LMBR1: variants seen among roughly 807,000 people sequenced by gnomAD.
LMBR1 encodes limb development membrane protein 1, also known as limb region 1 protein homolog.
Under a neutral mutation model 73.9 loss-of-function variants are expected in LMBR1, and 52 were observed. The observed-to-expected ratio is 0.70, with a 90% CI of 0.56 to 0.89. The LOEUF (loss-of-function observed/expected upper bound fraction) is 0.89, where lower values mean the gene tolerates loss of function less well. Ranked by LOEUF, LMBR1 falls within the 40% of genes least tolerant of loss-of-function variation. LMBR1 has a pLI of 0.00. For missense variants in LMBR1, 539 were observed against 579.8 expected, an observed-to-expected ratio of 0.93 and a Z score of 0.72; for synonymous variants, 215 against 209.4, an observed-to-expected ratio of 1.03 and a Z score of -0.23.
At chr7:156,844,572 A>C (rs1442959409) in intron 1 of LMBR1, among the ~76,000 whole-genome samples, 1 of 152,034 alleles carries the variant, frequency 6.6e-6, no homozygotes, top group Non-Finnish European at 1.5e-5. Context: ...AAAAGAAAAA[A>C]ACAGTCCAGC....
chr7:156,745,587 G>C (rs1051264638), intron 9 of LMBR1, among the ~76,000 whole-genome samples: 2 of 152,344 alleles, frequency 1.3e-5, no homozygotes, highest in South Asian at 2.1e-4. Flanking sequence ...ACTGAAAGGA[G>C]GATTCAGAAC....
At chr7:156,758,911 A>G (rs1280221868) in intron 8 of LMBR1, among the ~76,000 whole-genome samples, 1 of 152,176 alleles carries the variant, frequency 6.6e-6, no homozygotes, top group Non-Finnish European at 1.5e-5. Context: ...CCTACGAAAA[A>G]CAGACTGTTC....
chr7:156,715,540 T>C (rs761418237), intron 15 of LMBR1, among the ~76,000 whole-genome samples: 22 of 152,344 alleles, frequency 1.4e-4, no homozygotes, highest in Middle Eastern at 3.4e-3. Context: ...AGTGTACAGT[T>C]CAGTGATAGG....
chr7:156,742,925 T>C (rs1301704028), intron 9 of LMBR1, among the ~76,000 whole-genome samples: 1 of 152,144 alleles, frequency 6.6e-6, no homozygotes, highest in Admixed American at 6.5e-5. Flanking sequence ...TTATCCGAGA[T>C]GCAAGGGTGG....
intron 15 of LMBR1, among the ~76,000 whole-genome samples, chr7:156,691,594 A>C (rs1391807452): frequency 6.6e-6 from 1 of 152,194 alleles, no homozygotes; most frequent in East Asian, 1.9e-4. Context: ...AGTAGTTAAG[A>C]GAGAGTTTAT....
intron 5 of LMBR1, among the ~76,000 whole-genome samples, chr7:156,779,304 T>C (rs1266724640): frequency 1.3e-5 from 2 of 152,176 alleles, no homozygotes; most frequent in South Asian, 2.1e-4. Flanking sequence ...CTGATTAAAA[T>C]TGCAGTATAA....
At chr7:156,849,465 T>C (rs1355923533) in intron 1 of LMBR1, among the ~76,000 whole-genome samples, 1 of 152,120 alleles carries the variant, frequency 6.6e-6, no homozygotes, top group African/African-American at 2.4e-5. Context: ...GTAACAAACC[T>C]GTACATGTGC....
At position 156,763,747 on chromosome 7, in the gene LMBR1, C is replaced by G. The variant is rs1418410790; in HGVS notation, c.472G>C (p.Ala158Pro). The G allele has an allele frequency of 1.9e-6, 3 of 1,605,264 alleles. No individual in the cohort carries two copies. The highest frequency in any genetic ancestry group is 1.7e-6 in the Non-Finnish European group (2 of 1,177,916). ...LETLVMLLLL[A>P]LLILGIVWVA... Reference sequence around the variant, plus strand: ...CACACTATCCCAAGAATGAGTAACGCAAGAAGAAGAAGCATGACCAAAGTC... The same window carrying G: ...CACACTATCCCAAGAATGAGTAACGGAAGAAGAAGAAGCATGACCAAAGTC... Residue 158 changes from alanine to proline, a missense_variant, in exon 6 of 17, where the codon GCG becomes CCG. Physicochemically the swap from Ala to Pro is conservative, Grantham distance 27 (BLOSUM62 -1). Coordinates refer to ENST00000353442, the MANE Select transcript of LMBR1 (RefSeq NM_022458.4).
chr7:156,873,419 T>C (rs543218959), intron 1 of LMBR1, among the ~76,000 whole-genome samples: 26 of 152,192 alleles, frequency 1.7e-4, no homozygotes, highest in African/African-American at 6.0e-4. Context: ...GCAAGATTTA[T>C]TGCAAAGAGC....
At chr7:156,841,051 G>A (rs1472400901) in intron 1 of LMBR1, among the ~76,000 whole-genome samples, 2 of 151,812 alleles carry the variant, frequency 1.3e-5, no homozygotes, top group East Asian at 1.9e-4. Flanking sequence ...AAGAACTGCA[G>A]GAAGCCGAGA....
intron 5 of LMBR1, among the ~76,000 whole-genome samples, chr7:156,770,302 C>T (rs1391502416): frequency 6.6e-6 from 1 of 152,016 alleles, no homozygotes; most frequent in East Asian, 1.9e-4. Flanking sequence ...TACAAGTGCG[C>T]ACCACCCTGC....
chr7:156,813,417 A>C (rs1433235753), intron 4 of LMBR1, among the ~76,000 whole-genome samples: 1 of 152,230 alleles, frequency 6.6e-6, no homozygotes, highest in Non-Finnish European at 1.5e-5. Context: ...ACTTATTGAT[A>C]TCCTTGCCCC....
intron 15 of LMBR1, among the ~76,000 whole-genome samples, chr7:156,702,346 G>C: frequency 6.6e-6 from 1 of 152,198 alleles, no homozygotes; most frequent in East Asian, 1.9e-4. Context: ...ATCTCATTGT[G>C]GTTCTGATTT....
intron 1 of LMBR1, among the ~76,000 whole-genome samples, chr7:156,880,153 A>G (rs1056672444): frequency 6.6e-6 from 1 of 152,250 alleles, no homozygotes; most frequent in African/African-American, 2.4e-5. Flanking sequence ...GTAACTATGG[A>G]ATACTACCCA....
rs527656588 is a variant in LMBR1, at chr7:156,683,343, A to G, written c.*735T>C. 144 of 152,726 alleles carry G rather than the reference A, an allele frequency of 9.4e-4. 1 individual carries two copies. The highest frequency in any genetic ancestry group is 3.5e-3 in the African/African-American group (144 of 41,572). 9.5% of individuals were successfully genotyped at this position (152,726 alleles called of 1,614,324 possible). ...GTTATCAGAGGGAATACTGAATTAT[A>G]TATATACATAAACTGTCATTAAACT... On this transcript the variant is annotated 3_prime_UTR_variant, in exon 17 of 17. Transcript: ENST00000353442.
rs1332960708 is a variant in LMBR1 at position 156,682,875 on chromosome 7, C to A, written c.*1203G>T. On this transcript the variant is annotated 3_prime_UTR_variant, in exon 17 of 17. Transcript: ENST00000353442. ...TAACTACGAATTGTGTGCAAATGGG[C>A]CCATCTCCTATTTTTGCATGCACAG... The A allele has an allele frequency of 6.6e-6, 1 of 152,184 alleles. No homozygotes were observed. Among genetic ancestry groups the A allele is most frequent in the Non-Finnish European group, 1.5e-5 (1 of 68,030 alleles). 9.4% of individuals were successfully genotyped at this position (152,184 alleles called of 1,614,324 possible). A position where few individuals can be genotyped will look rare whatever the true frequency, so the allele number is the denominator to read the frequency against.
chr7:156,812,767 G>GTA (rs1443699593), intron 4 of LMBR1, among the ~76,000 whole-genome samples: 5 of 152,154 alleles, frequency 3.3e-5, no homozygotes, highest in Non-Finnish European at 7.4e-5. Context: ...ACCCATCAGT[G>GTA]TAAAACAAAA....
At chr7:156,871,280 T>C (rs988852468) in intron 1 of LMBR1, among the ~76,000 whole-genome samples, 6 of 152,116 alleles carry the variant, frequency 3.9e-5, no homozygotes, top group Non-Finnish European at 8.8e-5. Flanking sequence ...ATAAGAAGTA[T>C]GCAGACTGAA....
At chr7:156,845,021 T>A (rs1206190959) in intron 1 of LMBR1, among the ~76,000 whole-genome samples, 1 of 152,202 alleles carries the variant, frequency 6.6e-6, no homozygotes, top group African/African-American at 2.4e-5. Flanking sequence ...CGGCTTCAAC[T>A]AATTTCAAGT....
Sources: gnomAD v4.1 joint callset for allele counts (sites outside exome capture counted in the v4.1 genomes callset) on GRCh38, gnomAD v4.1.1 for gene constraint, MANE v1.5 for transcripts, NCBI Gene and HGNC (gene_info 2026-07-23, HGNC 2026-07-21) for gene names.